Variants in RGPD2 observed in about 807,000 individuals in gnomAD.
RGPD2 encodes RANBP2-like and GRIP domain-containing protein 2.
RGPD2 carries 2 observed loss-of-function variants against 36.0 expected under a neutral mutation model. That is an observed-to-expected ratio of 0.06 (90% CI 0.02 to 0.17). RGPD2 has a LOEUF of 0.17. Ranked by LOEUF, RGPD2 falls within the 10% of genes least tolerant of loss-of-function variation. The pLI, the probability that RGPD2 is intolerant of heterozygous loss-of-function variation, is 1.00. For synonymous variants in RGPD2, 19 were observed against 163.8 expected, an observed-to-expected ratio of 0.12 and a Z score of 6.75; for missense variants, 40 against 464.3, an observed-to-expected ratio of 0.09 and a Z score of 8.40.
the RGPD2 span, among the ~76,000 whole-genome samples, chr2:87,846,679 A>C: frequency 6.6e-6 from 1 of 152,112 alleles, no homozygotes; most frequent in South Asian, 2.1e-4. Context: ...GTAACTTTTC[A>C]TGGAGAAATA....
At chr2:87,971,566 T>A in the RGPD2 span, among the ~76,000 whole-genome samples, 32 of 144,636 alleles carry the variant, frequency 2.2e-4, no homozygotes, top group Non-Finnish European at 4.5e-4. Context: ...ATATTGAGTA[T>A]CATGAGGGTT....
At chr2:87,813,907 G>C (rs1395755289) in intron 4 of RGPD2, among the ~76,000 whole-genome samples, 56 of 151,480 alleles carry the variant, frequency 3.7e-4, no homozygotes, top group African/African-American at 1.3e-3. Flanking sequence ...ATCTGATACA[G>C]GAAAGGTGTT....
the RGPD2 span, among the ~76,000 whole-genome samples, chr2:87,970,302 C>T: frequency 1.3e-5 from 2 of 151,364 alleles, no homozygotes; most frequent in African/African-American, 2.4e-5. Context: ...TATGTGTATA[C>T]ATATTTATAT....
intron 22 of RGPD2, among the ~76,000 whole-genome samples, chr2:87,757,973 T>C (rs2104216572): frequency 1.5e-5 from 1 of 67,138 alleles, no homozygotes; most frequent in Non-Finnish European, 2.9e-5. Context: ...GTTACCCAAA[T>C]AGGTTCACAG....
chr2:87,839,417 A>G, the RGPD2 span, among the ~76,000 whole-genome samples: 3 of 152,040 alleles, frequency 2.0e-5, no homozygotes, highest in Admixed American at 6.6e-5. Flanking sequence ...TGACCCAGCA[A>G]TCCTATTCCT....
intron 17 of RGPD2, among the ~76,000 whole-genome samples, chr2:87,791,607 GC>G: frequency 1.5e-5 from 1 of 67,648 alleles, no homozygotes; most frequent in African/African-American, 7.4e-5. Flanking sequence ...ACTTTGGGAG[GC>G]TGAAGCAGGA....
intron 22 of RGPD2, among the ~76,000 whole-genome samples, chr2:87,760,924 TTTC>T (rs1186836343): frequency 6.6e-6 from 1 of 150,388 alleles, no homozygotes; most frequent in Non-Finnish European, 1.5e-5. Context: ...GCTTTCTCTT[TTTC>T]TTCTCTTTCT....
the RGPD2 span, among the ~76,000 whole-genome samples, chr2:87,846,050 CAG>C: frequency 4.0e-5 from 6 of 151,270 alleles, no homozygotes; most frequent in African/African-American, 1.2e-4. Flanking sequence ...ATTTTATAAA[CAG>C]TACATTATAT....
the RGPD2 span, among the ~76,000 whole-genome samples, chr2:87,881,410 G>A: frequency 1.3e-4 from 20 of 152,346 alleles, no homozygotes; most frequent in Non-Finnish European, 2.4e-4. Flanking sequence ...CTCCTGCAGC[G>A]CACTTTTTCC....
the RGPD2 span, among the ~76,000 whole-genome samples, chr2:87,852,867 T>C: frequency 2.6e-5 from 4 of 152,412 alleles, no homozygotes; most frequent in East Asian, 5.8e-4. Flanking sequence ...TCCATAATAG[T>C]CATAGCCATC....
chr2:87,879,178 T>C, the RGPD2 span, among the ~76,000 whole-genome samples: 3 of 152,014 alleles, frequency 2.0e-5, no homozygotes, highest in Non-Finnish European at 4.4e-5. Flanking sequence ...GGGTACATAG[T>C]AGGTACATAT....
At chr2:87,873,938 T>C in the RGPD2 span, among the ~76,000 whole-genome samples, 1 of 151,788 alleles carries the variant, frequency 6.6e-6, no homozygotes, top group East Asian at 1.9e-4. Flanking sequence ...CCAAACCATA[T>C]TAGTATCTCA....
the RGPD2 span, among the ~76,000 whole-genome samples, chr2:87,919,646 T>G: frequency 6.9e-6 from 1 of 145,112 alleles, no homozygotes; most frequent in Non-Finnish European, 1.5e-5. Context: ...TGCAAAGATA[T>G]ACTTTATATC....
chr2:87,966,151 C>T, the RGPD2 span, among the ~76,000 whole-genome samples: 1 of 152,106 alleles, frequency 6.6e-6, no homozygotes, highest in South Asian at 2.1e-4. Context: ...AAAGTGACTT[C>T]CAGTGTCTCC....
At chr2:87,805,758 G>T (rs1487920944) in intron 7 of RGPD2, among the ~76,000 whole-genome samples, 2 of 152,328 alleles carry the variant, frequency 1.3e-5, no homozygotes, top group African/African-American at 4.8e-5. Flanking sequence ...TACTCGGGAG[G>T]CTGAGGCAGG....
chr2:87,974,115 C>A, the RGPD2 span, among the ~76,000 whole-genome samples: 2 of 134,620 alleles, frequency 1.5e-5, no homozygotes, highest in Non-Finnish European at 3.3e-5. Flanking sequence ...AGGTCACCCA[C>A]CTGTGAGGTT....
intron 1 of RGPD2, among the ~76,000 whole-genome samples, chr2:87,821,970 CTCTT>C (rs1427977221): frequency 6.7e-5 from 10 of 148,304 alleles, no homozygotes; most frequent in Admixed American, 3.4e-4. Flanking sequence ...AAATTTCTCT[CTCTT>C]TTTTTTTAAT....
At chr2:87,769,636 C>G (rs1685064309) in intron 22 of RGPD2, among the ~76,000 whole-genome samples, 1 of 151,816 alleles carries the variant, frequency 6.6e-6, no homozygotes, top group African/African-American at 2.4e-5. Flanking sequence ...TAAAAGAGAC[C>G]TGTTAGACAT....
the RGPD2 span, among the ~76,000 whole-genome samples, chr2:87,897,459 T>TA: frequency 1.3e-4 from 20 of 151,664 alleles, no homozygotes; most frequent in Non-Finnish European, 2.8e-4. Context: ...TTTTTATTTT[T>TA]AAAACAATTT....
Sources: allele counts gnomAD v4.1 joint callset (sites outside exome capture counted in the v4.1 genomes callset), GRCh38; gene constraint gnomAD v4.1.1; transcripts MANE v1.5; gene names NCBI Gene and HGNC (gene_info 2026-07-23, HGNC 2026-07-21).